DPH6: variants seen among roughly 807,000 people sequenced by gnomAD.
DPH6 encodes the protein diphthine--ammonia ligase.
A neutral mutation model predicts 38.2 loss-of-function variants in DPH6; 33 were observed. The ratio of observed to expected loss-of-function variants is 0.86; its 90% CI spans 0.65 to 1.15. The LOEUF is 1.15. DPH6 is among the 50% of genes most tolerant of loss of function. DPH6 has a pLI of 0.00. For synonymous variants in DPH6, 108 were observed against 103.0 expected (o/e 1.05, Z -0.30); for missense variants, 325 against 320.0 (o/e 1.02, Z -0.12).
chr15:35,173,046 G>C, the DPH6 span, among the ~76,000 whole-genome samples: 1 of 152,116 alleles, frequency 6.6e-6, no homozygotes, highest in East Asian at 1.9e-4. Context: ...TTGCTTCTAA[G>C]TGCTATGATA....
At chr15:35,210,188 A>G in the DPH6 span, among the ~76,000 whole-genome samples, 1 of 152,180 alleles carries the variant, frequency 6.6e-6, no homozygotes, top group Non-Finnish European at 1.5e-5. Flanking sequence ...TGATACAGGA[A>G]AGGGAAATTA....
chr15:35,203,625 T>C, the DPH6 span, among the ~76,000 whole-genome samples: 3 of 151,738 alleles, frequency 2.0e-5, no homozygotes, highest in Admixed American at 2.0e-4. Context: ...AAACCTGATA[T>C]GCAGAATAAA....
intron 3 of DPH6, among the ~76,000 whole-genome samples, chr15:35,325,415 G>C (rs1241615493): frequency 6.6e-6 from 1 of 152,112 alleles, no homozygotes; most frequent in Non-Finnish European, 1.5e-5. Flanking sequence ...TTTGGAGAAA[G>C]GGACACAGTT....
chr15:35,456,977 C>T (rs763059683), intron 3 of DPH6, among the ~76,000 whole-genome samples: 2 of 151,484 alleles, frequency 1.3e-5, no homozygotes, highest in Non-Finnish European at 2.9e-5. Context: ...TATTTATTTA[C>T]TTATTTAGAG....
chr15:35,520,798 C>T (rs2054913207), intron 3 of DPH6: 1 of 984,540 alleles, frequency 1.0e-6, no homozygotes. Flanking sequence ...CTAATCATAC[C>T]ACCATATCAC....
intron 5 of DPH6, among the ~76,000 whole-genome samples, chr15:35,418,346 C>T (rs947406029): frequency 1.3e-5 from 2 of 152,192 alleles, no homozygotes; most frequent in African/African-American, 4.8e-5. Context: ...TACATTTTAA[C>T]TCTAATACAT....
chr15:35,196,596 G>C, the DPH6 span, among the ~76,000 whole-genome samples: 1 of 152,310 alleles, frequency 6.6e-6, no homozygotes, highest in East Asian at 1.9e-4. Flanking sequence ...AACAATTTAT[G>C]AATTCTTTGA....
chr15:35,411,013 G>A, intron 5 of DPH6, 117 bp from the exon 6 acceptor site: 1 of 808,776 alleles, frequency 1.2e-6, no homozygotes, highest in East Asian at 2.8e-5. Flanking sequence ...ATTTTGAATT[G>A]CTTTGATCAT....
chr15:35,197,230 T>C, the DPH6 span, among the ~76,000 whole-genome samples: 1 of 152,188 alleles, frequency 6.6e-6, no homozygotes, highest in African/African-American at 2.4e-5. Context: ...AACTAAGTGC[T>C]GAACAGGGAA....
chr15:35,167,066 G>T, the DPH6 span, among the ~76,000 whole-genome samples: 1 of 151,990 alleles, frequency 6.6e-6, no homozygotes, highest in Non-Finnish European at 1.5e-5. Flanking sequence ...TATATACCCA[G>T]ATTAGGGAAA....
chr15:35,373,476 T>C (rs757325676), intron 8 of DPH6, 45 bp downstream of exon 8: 2 of 1,536,712 alleles, frequency 1.3e-6, no homozygotes, highest in Non-Finnish European at 1.8e-6. Flanking sequence ...AATGTATATA[T>C]CTCAAATTTC....
At chr15:35,536,296 T>A (rs2055168110) in intron 3 of DPH6, among the ~76,000 whole-genome samples, 1 of 152,008 alleles carries the variant, frequency 6.6e-6, no homozygotes, top group East Asian at 1.9e-4. Context: ...TTTCTGATAT[T>A]TATGTCCTTA....
intron 3 of DPH6, among the ~76,000 whole-genome samples, chr15:35,350,322 G>GTTTTTTTTTTTTTTTTTTTTTTATTTTTT (rs60012895): frequency 7.1e-6 from 1 of 139,902 alleles, no homozygotes; most frequent in African/African-American, 2.6e-5. Context: ...ACTGGAGTCT[G>GTTTTTTTTTTTTTTTTTTTTTTATTTTTT]TTTTTTTTTT....
intron 3 of DPH6, among the ~76,000 whole-genome samples, chr15:35,240,465 A>G (rs1331807690): frequency 1.4e-5 from 2 of 141,594 alleles, no homozygotes; most frequent in South Asian, 2.5e-4. Context: ...TTGCCAGCCC[A>G]AGCTAGGTCC....
chr15:35,531,655 T>A (rs1004213428), intron 3 of DPH6, among the ~76,000 whole-genome samples: 3 of 152,054 alleles, frequency 2.0e-5, no homozygotes, highest in African/African-American at 7.2e-5. Flanking sequence ...TGTATTTTAG[T>A]ACAGACGAGG....
Position 35,355,904 on chromosome 15 carries a change from G to A in DPH6, n.207+17617C>T, listed in dbSNP as rs530725354. Among the ~76,000 whole-genome samples, 274 of 152,260 alleles carry A rather than the reference G, an allele frequency of 1.8e-3. 5 individuals carry two copies. The highest frequency in any genetic ancestry group is 0.016 in the Admixed American group (246 of 15,290). ...TTTCCAACTTGGTTCCATTCTCCCC[G>A]TCACTTTCAGGTACACCAACCAGAT... On this transcript the variant is annotated intron_variant and non_coding_transcript_variant, in intron 3 of 3. Transcript: ENST00000558973.
At chr15:35,263,538 G>A (rs1595452117) in intron 3 of DPH6, among the ~76,000 whole-genome samples, 1 of 151,058 alleles carries the variant, frequency 6.6e-6, no homozygotes, top group East Asian at 1.9e-4. Flanking sequence ...AAGCAGCTGG[G>A]GCTACAGGCA....
At chr15:35,307,974 G>C (rs185773557) in intron 3 of DPH6, among the ~76,000 whole-genome samples, 54 of 152,188 alleles carry the variant, frequency 3.5e-4, no homozygotes, top group Middle Eastern at 3.4e-3. Flanking sequence ...TAACCTCTGA[G>C]GAAATAAAAA....
the DPH6 span, among the ~76,000 whole-genome samples, chr15:35,165,324 T>A: frequency 6.6e-6 from 1 of 152,052 alleles, no homozygotes; most frequent in Admixed American, 6.6e-5. Context: ...CTCATCTTAT[T>A]ATATGGTTCA....
Sources: gnomAD v4.1 joint callset for allele counts (sites outside exome capture counted in the v4.1 genomes callset) on GRCh38, gnomAD v4.1.1 for gene constraint, MANE v1.5 for transcripts, NCBI Gene and HGNC (gene_info 2026-07-23, HGNC 2026-07-21) for gene names.